Variants in PRX observed in about 807,000 individuals in gnomAD.
The protein encoded by PRX is periaxin.
PRX carries 24 observed loss-of-function variants against 29.6 expected under a neutral mutation model. The observed-to-expected ratio is 0.81, with a 90% CI of 0.59 to 1.14. The LOEUF (loss-of-function observed/expected upper bound fraction) is 1.14, where lower values mean the gene tolerates loss of function less well. Among genes scored for constraint, PRX ranks in the 50% most tolerant of loss-of-function variants. PRX has a pLI of 0.00. For missense variants in PRX, 1,838 were observed against 1,926.4 expected (o/e 0.95, Z 0.86); for synonymous variants, 772 against 831.7 (o/e 0.93, Z 1.24).
At position 40,403,735 on chromosome 19, in the gene PRX, G is replaced by C. The variant is rs1342583554; in HGVS notation, c.155C>G (p.Pro52Arg). Residue 52 changes from proline (P) to arginine (R), a missense_variant, in exon 5 of 7, where the codon CCC becomes CGC. This residue lies in a region of PRX where 666 missense variants were observed against 665.0 expected (regional missense o/e 1.00). Coordinates refer to ENST00000324001, the MANE Select transcript of PRX (RefSeq NM_181882.3). Reference sequence around the variant, plus strand: ...CTGCAGGCTGAGGCTCCTGGCGGCGGGTGAGTCCTCGCGCAGCTCCCGAAC... The same window carrying C: ...CTGCAGGCTGAGGCTCCTGGCGGCGCGTGAGTCCTCGCGCAGCTCCCGAAC... ...IFVRELREDS[P>R]AARSLSLQEG... 2 of 1,569,294 alleles carry C rather than the reference G, an allele frequency of 1.3e-6. No individual in the cohort carries two copies. Among genetic ancestry groups the C allele is most frequent in the Non-Finnish European group, 1.7e-6 (2 of 1,158,468 alleles).
rs774666043 is a variant in PRX at position 40,395,105 on chromosome 19, G to A, written c.3247C>T (p.Pro1083Ser). 5.1e-5 allele frequency: 82 copies of A among 1,613,746 alleles called. No homozygotes were observed. The highest frequency in any genetic ancestry group is 2.4e-4 in the South Asian group (22 of 91,084). The part of the protein sequence containing the change: ...EAEVQGDRAS[P>S]GEKAESTAVQ... ...GCGGTGGACTCAGCCTTTTCCCCCG[G>A]GCTGGCACGATCACCTTGAACTTCT... The change falls in exon 7 of 7, where the codon CCG (proline) becomes TCG (serine). Residue 1083 changes from proline to serine, a missense_variant. Physicochemically the swap from Pro to Ser is moderately conservative, Grantham distance 74. Coordinates refer to ENST00000324001, the MANE Select transcript of PRX (RefSeq NM_181882.3).
At chr19:40,406,256 A>C (rs1418829754) in intron 4 of PRX, among the ~76,000 whole-genome samples, 1 of 151,398 alleles carries the variant, frequency 6.6e-6, no homozygotes, top group Non-Finnish European at 1.5e-5. Context: ...TCAAAAAAAA[A>C]AAAAAAAAGA....
At chr19:40,404,612 C>G (rs2079520232) in intron 4 of PRX, among the ~76,000 whole-genome samples, 1 of 152,020 alleles carries the variant, frequency 6.6e-6, no homozygotes, top group African/African-American at 2.4e-5. Context: ...ACTCTGTCCC[C>G]AGGCTTGAGT....
chr19:40,406,330 A>G (rs1476797221), intron 4 of PRX, among the ~76,000 whole-genome samples: 2 of 151,538 alleles, frequency 1.3e-5, no homozygotes, highest in African/African-American at 4.9e-5. Context: ...CTCTGGCCTC[A>G]GCCTCCCAGA....
intron 4 of PRX, among the ~76,000 whole-genome samples, 168 bp from the exon 5 acceptor site, chr19:40,404,030 C>T (rs976324995): frequency 1.3e-5 from 2 of 152,160 alleles, no homozygotes; most frequent in Non-Finnish European, 2.9e-5. Context: ...CGAACTCCTC[C>T]TGGGCCCAAG....
chr19:40,408,652 G>A (rs2079543702), intron 1 of PRX, among the ~76,000 whole-genome samples: 2 of 152,198 alleles, frequency 1.3e-5, no homozygotes, highest in South Asian at 4.1e-4. Flanking sequence ...TGCTATTTGA[G>A]ACAGGGTCTA....
At position 40,397,523 on chromosome 19, in the gene PRX, C is replaced by A. The variant is rs1458620221; in HGVS notation, c.829G>T (p.Ala277Ser). ...GCCTCCACAGCAGGCGGAGCCGGGG[C>A]TCCGAGCCCAAGGGTTGGCAGGTGG... is the stretch of plus-strand genomic sequence containing the variant. ...ALHLPTLGLGAPAPPAVEAPA... is the reference protein window; with the variant it reads ...ALHLPTLGLGSPAPPAVEAPA... The change falls in exon 7 of 7, where the codon GCC becomes TCC. Residue 277 changes from alanine (A) to serine (S), a missense_variant. Ala to Ser is a moderately conservative substitution (Grantham distance 99). Coordinates refer to ENST00000324001, the MANE Select transcript of PRX (RefSeq NM_181882.3). The A allele has an allele frequency of 6.5e-7, 1 of 1,545,724 alleles. No individual in the cohort carries two copies.
Position 40,403,752 on chromosome 19 carries a change from C to T in PRX, c.138G>A (p.Glu46=), listed in dbSNP as rs1477884504. ...TGGCGGCGGGTGAGTCCTCGCGCAG[C>T]TCCCGAACGAAGATTCCCTCTTTGC... ...GGGKEGIFVR[E]LREDSPAARS... Residue 46 remains glutamate (E), a synonymous_variant, in exon 5 of 7, where the codon GAG becomes GAA. Transcript: ENST00000324001. The T allele has an allele frequency of 8.2e-6, 13 of 1,582,608 alleles. No homozygotes were observed. The highest frequency in any genetic ancestry group is 1.1e-5 in the Non-Finnish European group (13 of 1,165,688).
In PRX at chr19:40,394,264, C is replaced by T. The variant is rs1197436795; in HGVS notation, c.4088G>A (p.Ser1363Asn). The T allele has an allele frequency of 1.2e-6, 2 of 1,611,848 alleles. No individual in the cohort carries two copies. The highest frequency in any genetic ancestry group is 1.7e-6 in the Non-Finnish European group (2 of 1,178,550). ...EEEEEEEEEG[S>N]GEGASGRRGR... ...CCGGCGACCCGAGGCCCCTTCCCCA[C>T]TGCCCTCTTCCTCCTCCTCCTCCTC... Residue 1363 changes from serine (S) to asparagine (N), a missense_variant, in exon 7 of 7, where the codon AGT becomes AAT. Ser to Asn is a conservative substitution (Grantham distance 46, BLOSUM62 1). This residue lies in a region of PRX where 1,143 missense variants were observed against 1,193.0 expected (regional missense o/e 0.96). Coordinates refer to ENST00000324001, the MANE Select transcript of PRX (RefSeq NM_181882.3). The surrounding 1 kb of genome is among the most constrained non-coding windows in gnomAD (Gnocchi z 5.8).
chr19:40,405,741 C>T (rs1338216500), intron 4 of PRX, among the ~76,000 whole-genome samples: 2 of 146,228 alleles, frequency 1.4e-5, no homozygotes, highest in African/African-American at 2.6e-5. Flanking sequence ...CCGGGTCAAG[C>T]GATTCTCCTG....
Position 40,408,041 on chromosome 19 carries a change from G to A in PRX, c.-99-10C>T, listed in dbSNP as rs2079540573. The A allele has an allele frequency of 6.8e-7, 1 of 1,466,572 alleles. No homozygotes were observed. The highest frequency in any genetic ancestry group is 1.8e-5 in the Admixed American group (1 of 55,600). The allele number at this position is 1,466,572 out of a possible 1,614,324, so 90.8% of individuals were successfully genotyped here. ...GCAGCTGCCTCTGAGCCTGTGGGAG[G>A]ACAGCAGTGGAGGCTTGAGGCCAGT... is the stretch of plus-strand genomic sequence containing the variant. On this transcript the variant is annotated splice_polypyrimidine_tract_variant and intron_variant, in intron 3 of 6. Coordinates refer to ENST00000324001, the MANE Select transcript of PRX (RefSeq NM_181882.3).
chr19:40,405,096 C>A (rs995133001), intron 4 of PRX, among the ~76,000 whole-genome samples: 1 of 152,052 alleles, frequency 6.6e-6, no homozygotes, highest in Non-Finnish European at 1.5e-5. Flanking sequence ...ACCTGTGAAA[C>A]GCCCACAGGA....
intron 1 of PRX, among the ~76,000 whole-genome samples, chr19:40,410,059 CCTT>C (rs2079551491): frequency 6.6e-6 from 1 of 152,210 alleles, no homozygotes; most frequent in Non-Finnish European, 1.5e-5. Context: ...AAGACCTTCA[CCTT>C]CTACTTCACC....
intron 4 of PRX, among the ~76,000 whole-genome samples, chr19:40,404,423 C>CTGGG (rs1002501578): frequency 6.1e-4 from 5 of 8,246 alleles, no homozygotes; most frequent in African/African-American, 2.6e-3. Context: ...GAGGGCGGGG[C>CTGGG]TGGGGGGGGT....
chr19:40,411,527 TCATG>T (rs1015859695), intron 1 of PRX, among the ~76,000 whole-genome samples: 1 of 151,746 alleles, frequency 6.6e-6, no homozygotes, highest in African/African-American at 2.4e-5. Flanking sequence ...GCTGTGAGGG[TCATG>T]CCCGGAGCCT....
intron 1 of PRX, among the ~76,000 whole-genome samples, chr19:40,409,217 T>C (rs2145747311): frequency 6.6e-6 from 1 of 152,042 alleles, no homozygotes; most frequent in East Asian, 1.9e-4. Flanking sequence ...CAAACTGAGC[T>C]CCAACTCCTG....
Position 40,396,550 on chromosome 19 carries a change from G to A in PRX, c.1802C>T (p.Pro601Leu), listed in dbSNP as rs778475989. The change falls in exon 7 of 7, where the codon CCT becomes CTT. Residue 601 changes from proline to leucine, a missense_variant. By Grantham distance (98) the Pro-to-Leu change is moderately conservative. Coordinates refer to ENST00000324001, the MANE Select transcript of PRX (RefSeq NM_181882.3). ...PEMKLPEMKL[P>L]EVQLPKVPEM... ...GGGCACCTTCGGGAGTTGCACTTCA[G>A]GGAGTTTCATCTCAGGAAGTTTCAT... 6.2e-7 allele frequency: 1 copy of A among 1,614,084 alleles called. No homozygotes were observed. The highest frequency in any genetic ancestry group is 2.2e-5 in the East Asian group (1 of 44,862).
intron 5 of PRX, among the ~76,000 whole-genome samples, chr19:40,399,124 C>A (rs1461037610): frequency 2.6e-5 from 4 of 152,072 alleles, no homozygotes; most frequent in African/African-American, 9.7e-5. Flanking sequence ...AAGGGAACTT[C>A]CAGAATCTCC....
chr19:40,397,132 G>A lies in PRX; in HGVS notation c.1220C>T (p.Ala407Val). Residue 407 changes from alanine (A) to valine (V), a missense_variant, in exon 7 of 7, where the codon GCT (alanine) becomes GTT (valine). Ala to Val is a moderately conservative substitution (Grantham distance 64). Coordinates refer to ENST00000324001, the MANE Select transcript of PRX (RefSeq NM_181882.3). ...GLSLLEPRPA[A>V]PEVVESKLKL... The stretch of plus-strand genomic sequence containing the variant: ...CAGCTTGCTCTCTACAACTTCAGGA[G>A]CAGCGGGCCGGGGCTCCAAGAGGGA... 1.2e-6 allele frequency: 2 copies of A among 1,614,172 alleles called. No individual in the cohort carries two copies. The highest frequency in any genetic ancestry group is 1.7e-6 in the Non-Finnish European group (2 of 1,180,042).
Sources: gnomAD v4.1 joint callset for allele counts (sites outside exome capture counted in the v4.1 genomes callset) on GRCh38, gnomAD v4.1.1 for gene constraint, gnomAD v4.1.1 regional missense constraint, Gnocchi (gnomAD v3.1) non-coding constraint, MANE v1.5 for transcripts, NCBI Gene and HGNC (gene_info 2026-07-23, HGNC 2026-07-21) for gene names.